DZIP1: variants seen among roughly 807,000 people sequenced by gnomAD.
DZIP1 encodes the protein DAZ interacting zinc finger protein 1.
A neutral mutation model predicts 107.6 loss-of-function variants in DZIP1; 97 were observed. That is an observed-to-expected ratio of 0.90 (90% CI 0.77 to 1.07). The LOEUF is 1.07. DZIP1 is among the 50% of genes least tolerant of loss of function. The pLI, the probability that DZIP1 is intolerant of heterozygous loss-of-function variation, is 0.00. For synonymous variants in DZIP1, 390 were observed against 386.4 expected (o/e 1.01, Z -0.11); for missense variants, 1,035 against 1,063.6 (o/e 0.97, Z 0.37).
At chr13:95,593,109 C>T (rs1428878426) in intron 16 of DZIP1, among the ~76,000 whole-genome samples, 1 of 152,148 alleles carries the variant, frequency 6.6e-6, no homozygotes, top group African/African-American at 2.4e-5. Context: ...AACATGTATA[C>T]CCACAAATAT....
rs545812706 is a variant in DZIP1, at chr13:95,640,632, T to C, written c.597+663A>G. 9.8e-5 allele frequency among the ~76,000 whole-genome samples: 15 copies of C among 152,344 alleles called. No individual in the cohort carries two copies. The South Asian group carries it at 3.1e-3, about 32-fold the overall frequency. On this transcript the variant is annotated intron_variant, in intron 5 of 22. Transcript: ENST00000376829. ...TGCAATATTTATCTTGGACTCAATG[T>C]CTAACCCAAAACAGTAGAAGATTAA...
At chr13:95,603,942 T>C (rs185636319) in intron 14 of DZIP1, among the ~76,000 whole-genome samples, 1 of 152,320 alleles carries the variant, frequency 6.6e-6, no homozygotes, top group East Asian at 1.9e-4. Flanking sequence ...CAGGCTGCTT[T>C]AGCTCACCCT....
intron 14 of DZIP1, among the ~76,000 whole-genome samples, chr13:95,604,481 G>A (rs2139022084): frequency 6.6e-6 from 1 of 152,300 alleles, no homozygotes; most frequent in Middle Eastern, 3.4e-3. Context: ...GCCAGGTCTG[G>A]CTGGCATTTA....
chr13:95,579,689 G>C lies in DZIP1; in HGVS notation c.*2545C>G, dbSNP rs528666754. On this transcript the variant is annotated 3_prime_UTR_variant, in exon 23 of 23. Transcript: ENST00000376829. ...AAAAAGAATCACATTGTTCAGAGGTGCTCAATGGAAAGAAAAGGAAATGAA... is the reference window on the plus strand; with the variant it reads ...AAAAAGAATCACATTGTTCAGAGGTCCTCAATGGAAAGAAAAGGAAATGAA... 8 of 152,202 alleles carry C rather than the reference G, an allele frequency of 5.3e-5. No homozygotes were observed. Among genetic ancestry groups the C allele is most frequent in the African/African-American group, 1.7e-4 (7 of 41,518 alleles). The allele number at this position is 152,202 out of a possible 1,614,324, so 9.4% of individuals were successfully genotyped here.
At chr13:95,591,351 T>C (rs2044308300) in intron 16 of DZIP1, among the ~76,000 whole-genome samples, 1 of 152,112 alleles carries the variant, frequency 6.6e-6, no homozygotes, top group African/African-American at 2.4e-5. Context: ...ACTATGAAAA[T>C]AGCATAATTA....
chr13:95,602,378 C>T (rs887038641), intron 14 of DZIP1, among the ~76,000 whole-genome samples: 2 of 152,154 alleles, frequency 1.3e-5, no homozygotes, highest in Non-Finnish European at 2.9e-5. Flanking sequence ...TGGAGGAAAT[C>T]TCTCCCCTGC....
chr13:95,619,991 G>T, intron 9 of DZIP1, 44 bp from the exon 10 acceptor site: 1 of 1,603,322 alleles, frequency 6.2e-7, no homozygotes, highest in South Asian at 1.1e-5. Flanking sequence ...CTGTAACAAT[G>T]AGATCTATGC....
intron 13 of DZIP1, among the ~76,000 whole-genome samples, chr13:95,608,726 C>T (rs933925763): frequency 2.6e-5 from 4 of 152,104 alleles, no homozygotes; most frequent in Admixed American, 1.3e-4. Context: ...CAGCATTTTC[C>T]AGCCAATAGT....
intron 10 of DZIP1, among the ~76,000 whole-genome samples, chr13:95,613,992 G>A (rs1400662427): frequency 2.0e-5 from 3 of 152,186 alleles, no homozygotes; most frequent in African/African-American, 4.8e-5. Context: ...TAGGTGTGGT[G>A]GGGTTAGCCT....
intron 6 of DZIP1, among the ~76,000 whole-genome samples, chr13:95,632,349 C>T (rs1203244927): frequency 1.3e-5 from 2 of 152,130 alleles, no homozygotes; most frequent in African/African-American, 4.8e-5. Flanking sequence ...CCGACCCTGG[C>T]CCTCCATCAC....
intron 8 of DZIP1, 66 bp downstream of exon 8, chr13:95,624,702 A>G: frequency 7.0e-7 from 1 of 1,423,352 alleles, no homozygotes; most frequent in Non-Finnish European, 9.7e-7. Flanking sequence ...CCCTGGCCTT[A>G]ATGCCATCCT....
At chr13:95,639,803 G>T (rs915883913) in intron 5 of DZIP1, among the ~76,000 whole-genome samples, 1 of 151,596 alleles carries the variant, frequency 6.6e-6, no homozygotes, top group Non-Finnish European at 1.5e-5. Flanking sequence ...CATTATATTC[G>T]TTGCACAAGA....
chr13:95,641,052 A>G lies in DZIP1; in HGVS notation c.597+243T>C, dbSNP rs1010058673. On this transcript the variant is annotated intron_variant, in intron 5 of 22. Coordinates refer to ENST00000376829, the MANE Select transcript of DZIP1 (RefSeq NM_198968.4). The surrounding 1 kb of genome is among the most constrained non-coding windows in gnomAD (Gnocchi z 4.3). The stretch of plus-strand genomic sequence containing the variant: ...AAGTGTTTCAACAACCAGCATTTAG[A>G]TAACTTCCATAAAGCACCACAGACG... Among the ~76,000 whole-genome samples, 1 of 152,214 alleles carries G rather than the reference A, an allele frequency of 6.6e-6. No individual in the cohort carries two copies. Among genetic ancestry groups the G allele is most frequent in the Non-Finnish European group, 1.5e-5 (1 of 68,038 alleles).
Position 95,622,371 on chromosome 13 carries a change from T to A in DZIP1, c.1082A>T (p.His361Leu). The A allele has an allele frequency of 6.2e-7, 1 of 1,614,218 alleles. No homozygotes were observed. The highest frequency in any genetic ancestry group is 8.5e-7 in the Non-Finnish European group (1 of 1,180,022). Residue 361 changes from histidine to leucine, a missense_variant, in exon 9 of 23, where the codon CAT becomes CTT. Transcript: ENST00000376829. ...ACTATCAAGAAGCTGCATGACATTA[T>A]GGAAATCCTGGGGATATGGAGAACG... is the stretch of plus-strand genomic sequence containing the variant. ...EDRSPYPQDFHNVMQLLDSQE... is the reference protein window; with the variant it reads ...EDRSPYPQDFLNVMQLLDSQE...
intron 14 of DZIP1, among the ~76,000 whole-genome samples, chr13:95,603,887 G>A (rs999450171): frequency 1.3e-5 from 2 of 152,300 alleles, no homozygotes; most frequent in African/African-American, 4.8e-5. Context: ...CAGGACAAAC[G>A]TGCTGGCAAT....
At chr13:95,622,227 C>CTG in intron 9 of DZIP1, 116 bp downstream of exon 9, 4 of 1,296,102 alleles carry the variant, frequency 3.1e-6, no homozygotes, top group Non-Finnish European at 4.3e-6. Context: ...AACAGCTAGT[C>CTG]ACCTTCAGGG....
In DZIP1 at chr13:95,612,140, A is replaced by G. The variant is rs764044011; in HGVS notation, c.1211T>C (p.Ile404Thr). ...SHIEKLRTSM[I>T]DDLNASNVFY... The stretch of plus-strand genomic sequence containing the variant: ...AACATTGCTTGCATTTAGATCATCT[A>G]TCATTGAGGTTCGAAGTTTCTCTAT... The change falls in exon 11 of 23, where the codon ATA becomes ACA. Residue 404 changes from isoleucine to threonine, a missense_variant. Ile to Thr is a moderately conservative substitution (Grantham distance 89). Coordinates refer to ENST00000376829, the MANE Select transcript of DZIP1 (RefSeq NM_198968.4). The G allele has an allele frequency of 1.2e-6, 2 of 1,613,150 alleles. No homozygotes were observed. Among genetic ancestry groups the G allele is most frequent in the Non-Finnish European group, 1.7e-6 (2 of 1,180,000 alleles).
At chr13:95,612,831 C>T (rs1295920625) in intron 10 of DZIP1, among the ~76,000 whole-genome samples, 5 of 152,118 alleles carry the variant, frequency 3.3e-5, no homozygotes, top group Non-Finnish European at 5.9e-5. Flanking sequence ...TCGATCCACC[C>T]GCCTTGGCCT....
chr13:95,586,076 A>C lies in DZIP1; in HGVS notation c.2279T>G (p.Val760Gly), dbSNP rs1021473573. ...VEKMFPHRKN[V>G]NKPVGGTNVP... ...ATTAGTTCCACCGACTGGTTTGTTC[A>C]CATTTTTGCGATGTGGAAACATCTT... is the stretch of plus-strand genomic sequence containing the variant. Residue 760 changes from valine to glycine, a missense_variant, in exon 21 of 23, where the codon GTG becomes GGG. Val to Gly is a moderately radical substitution (Grantham distance 109, BLOSUM62 -3). Transcript: ENST00000376829. 2 of 1,611,906 alleles carry C rather than the reference A, an allele frequency of 1.2e-6. No homozygotes were observed. The highest frequency in any genetic ancestry group is 2.7e-5 in the African/African-American group (2 of 74,806).
Sources: allele counts gnomAD v4.1 joint callset (sites outside exome capture counted in the v4.1 genomes callset), GRCh38; gene constraint gnomAD v4.1.1; non-coding constraint Gnocchi (gnomAD v3.1); transcripts MANE v1.5; gene names NCBI Gene and HGNC (gene_info 2026-07-23, HGNC 2026-07-21).